JUP: variants seen among roughly 807,000 people sequenced by gnomAD.
JUP encodes catenin (cadherin-associated protein), gamma 80kDa.
JUP carries 28 observed loss-of-function variants against 71.1 expected under a neutral mutation model. The ratio of observed to expected loss-of-function variants is 0.39; its 90% CI spans 0.29 to 0.54. The LOEUF (loss-of-function observed/expected upper bound fraction) is 0.54. Ranked by LOEUF, JUP falls within the 20% of genes least tolerant of loss-of-function variation. The pLI is 0.62. For synonymous variants in JUP, 401 were observed against 438.9 expected, an observed-to-expected ratio of 0.91 and a Z score of 1.08; for missense variants, 869 against 1,030.1, an observed-to-expected ratio of 0.84 and a Z score of 2.14.
chr17:41,781,003 AC>A (rs1443381495), intron 1 of JUP, among the ~76,000 whole-genome samples: 2 of 151,894 alleles, frequency 1.3e-5, no homozygotes, highest in African/African-American at 4.8e-5. Context: ...ACACAGTGAA[AC>A]CCCGTCTCTA....
At position 41,755,044 on chromosome 17, in the gene JUP, TG is replaced by T; in HGVS notation, c.*699del. 1 of 371,262 alleles carries T rather than the reference TG, an allele frequency of 2.7e-6. No homozygotes were observed. The highest frequency in any genetic ancestry group is 4.8e-6 in the Non-Finnish European group (1 of 209,032). The allele number at this position is 371,262 out of a possible 1,614,324, so 23.0% of individuals were successfully genotyped here. A position where few individuals can be genotyped will look rare whatever the true frequency, so the allele number is the denominator to read the frequency against. On this transcript the variant is annotated 3_prime_UTR_variant, in exon 14 of 14. Coordinates refer to ENST00000393931, the MANE Select transcript of JUP (RefSeq NM_002230.4). ...GGGTTTGGGTCTCGAACCTGGGCCC[TG>T]GAGGCCCTGGGGGCTTAGGGCAGTT...
intron 5 of JUP, among the ~76,000 whole-genome samples, chr17:41,766,941 G>A (rs1288341595): frequency 6.6e-6 from 1 of 151,844 alleles, no homozygotes; most frequent in East Asian, 1.9e-4. Context: ...CAGCTACTCT[G>A]GAGGCTGAGG....
In JUP at chr17:41,755,101, C is replaced by T; in HGVS notation, c.*643G>A. 1 of 395,314 alleles carries T rather than the reference C, an allele frequency of 2.5e-6. No homozygotes were observed. The highest frequency in any genetic ancestry group is 3.6e-5 in the East Asian group (1 of 27,848). The allele number at this position is 395,314 out of a possible 1,614,324, so 24.5% of individuals were successfully genotyped here. A position where few individuals can be genotyped will look rare whatever the true frequency, so the allele number is the denominator to read the frequency against. ...GTGGAGTTCAGTGAGAAAATCAGAC[C>T]CAGAGAAGGAACCAAAGCCCTTCCG... On this transcript the variant is annotated 3_prime_UTR_variant, in exon 14 of 14. Transcript: ENST00000393931.
intron 2 of JUP, 55 bp from the exon 3 acceptor site, chr17:41,769,732 G>A: frequency 6.3e-7 from 1 of 1,580,722 alleles, no homozygotes; most frequent in Non-Finnish European, 8.6e-7. Context: ...GCAGACACTG[G>A]GGAGCAGGGC....
chr17:41,757,622 C>A lies in JUP; in HGVS notation c.1924+12G>T. On this transcript the variant is annotated intron_variant, in intron 11 of 13. Transcript: ENST00000393931. Reference sequence around the variant, plus strand: ...GGAGTGGGACCCAGCCTCCTGCCCTCCCCCAGCTCACCAGTGCCCTCGTTG... The same window carrying A: ...GGAGTGGGACCCAGCCTCCTGCCCTACCCCAGCTCACCAGTGCCCTCGTTG... 2.5e-6 allele frequency: 4 copies of A among 1,613,756 alleles called. No homozygotes were observed. Among genetic ancestry groups the A allele is most frequent in the South Asian group, 1.1e-5 (1 of 91,052 alleles).
At position 41,770,019 on chromosome 17, in the gene JUP, C is replaced by T. The variant is rs536442132; in HGVS notation, c.209-342G>A. ...CCTGCAAGGTAAGTACTATCACTGG[C>T]TCCACTTTACAGATGGGAAAACTGG... On this transcript the variant is annotated intron_variant, in intron 2 of 13. Coordinates refer to ENST00000393931, the MANE Select transcript of JUP (RefSeq NM_002230.4). Among the ~76,000 whole-genome samples the T allele has an allele frequency of 3.3e-5, 5 of 152,022 alleles. No individual in the cohort carries two copies. In the East Asian group the frequency reaches 7.7e-4, roughly 23 times the overall value.
Position 41,757,751 on chromosome 17 carries a change from C to T in JUP, c.1807G>A (p.Val603Met), listed in dbSNP as rs200327969. 1.1e-5 allele frequency: 17 copies of T among 1,612,072 alleles called. No homozygotes were observed. Among genetic ancestry groups the T allele is most frequent in the South Asian group, 3.3e-5 (3 of 90,868 alleles). ...AGCTCACACAGCACCCCGGCAGCCACGCGCTGGATGTTCTCCACCGACGAG... is the reference window on the plus strand; with the variant it reads ...AGCTCACACAGCACCCCGGCAGCCATGCGCTGGATGTTCTCCACCGACGAG... ...LYSSVENIQR[V>M]AAGVLCELAQ... Residue 603 changes from valine (V) to methionine (M), a missense_variant, in exon 11 of 14, where the codon GTG (valine) becomes ATG (methionine). Coordinates refer to ENST00000393931, the MANE Select transcript of JUP (RefSeq NM_002230.4).
Position 41,763,175 on chromosome 17 carries a change from C to G in JUP, c.1305G>C (p.Val435=). 6.2e-7 allele frequency: 1 copy of G among 1,614,250 alleles called. No individual in the cohort carries two copies. Among genetic ancestry groups the G allele is most frequent in the Non-Finnish European group, 8.5e-7 (1 of 1,180,034 alleles). Residue 435 remains valine, a synonymous_variant, in exon 8 of 14, where the codon GTG becomes GTC. Coordinates refer to ENST00000393931, the MANE Select transcript of JUP (RefSeq NM_002230.4). The stretch of plus-strand genomic sequence containing the variant: ...GCAGGATGGCATGGATGAGAGCCTC[C>G]ACACCGCTGTTCTGTGTCACCAGCG... ...NKTLVTQNSG[V]EALIHAILRA... is the part of the protein sequence containing the mutation.
chr17:41,772,204 G>A, intron 1 of JUP: 1 of 405,674 alleles, frequency 2.5e-6, no homozygotes, highest in South Asian at 2.2e-5. Flanking sequence ...TTGCTGCCCT[G>A]ACCCAACTCT....
Position 41,775,052 on chromosome 17 carries a change from G to A in JUP, c.-8-3190C>T, listed in dbSNP as rs183166296. On this transcript the variant is annotated intron_variant, in intron 1 of 13. Transcript: ENST00000393931. ...AGGGAGGTGCATGTTGCAGTGAGCCGAGACTGCGCCACTGCACTTCAGCCT... is the reference window on the plus strand; with the variant it reads ...AGGGAGGTGCATGTTGCAGTGAGCCAAGACTGCGCCACTGCACTTCAGCCT... 2.8e-4 allele frequency among the ~76,000 whole-genome samples: 42 copies of A among 151,380 alleles called. 1 individual carries two copies. The highest frequency in any genetic ancestry group is 1.0e-3 in the South Asian group (5 of 4,788).
intron 5 of JUP, among the ~76,000 whole-genome samples, chr17:41,766,013 C>T (rs890815821): frequency 2.6e-5 from 4 of 152,074 alleles, no homozygotes; most frequent in Non-Finnish European, 4.4e-5. Context: ...CCCAGCATTT[C>T]GGAGGCTGAA....
At position 41,780,068 on chromosome 17, in the gene JUP, C is replaced by T. The variant is rs556647171; in HGVS notation, c.-9+6520G>A. On this transcript the variant is annotated intron_variant, in intron 1 of 13. Transcript: ENST00000393931. ...CCCCTGTCCCAACTCTGCTCTGGTC[C>T]CTGCTACTGTCTCCATGGTAGGGAA... 3.0e-3 allele frequency among the ~76,000 whole-genome samples: 459 copies of T among 152,280 alleles called. 2 individuals carry two copies. Among genetic ancestry groups the T allele is most frequent in the African/African-American group, 0.011 (439 of 41,554 alleles).
chr17:41,780,643 C>T (rs1257144420), intron 1 of JUP, among the ~76,000 whole-genome samples: 48 of 150,990 alleles, frequency 3.2e-4, no homozygotes, highest in Non-Finnish European at 5.6e-4. Context: ...TGCAGTGAGC[C>T]AAGACTGCAC....
intron 4 of JUP, among the ~76,000 whole-genome samples, chr17:41,767,896 G>C (rs894839880): frequency 1.3e-5 from 2 of 152,190 alleles, no homozygotes; most frequent in South Asian, 2.1e-4. Context: ...ACATATTAGA[G>C]AGGCCTTGCA....
intron 1 of JUP, chr17:41,775,794 C>T (rs1270736638): frequency 1.2e-5 from 2 of 169,294 alleles, no homozygotes; most frequent in Non-Finnish European, 2.4e-5. Flanking sequence ...GACCCTTCCC[C>T]ATGGGACCCA....
At chr17:41,780,635 C>T (rs2047112699) in intron 1 of JUP, among the ~76,000 whole-genome samples, 1 of 151,376 alleles carries the variant, frequency 6.6e-6, no homozygotes, top group African/African-American at 2.4e-5. Context: ...GCAGAGGTTG[C>T]AGTGAGCCAA....
intron 5 of JUP, among the ~76,000 whole-genome samples, chr17:41,765,415 G>A (rs1256460751): frequency 7.9e-5 from 12 of 151,340 alleles, no homozygotes; most frequent in Admixed American, 2.6e-4. Flanking sequence ...GCAGTGGCAC[G>A]ATCTCAGGTC....
chr17:41,781,144 G>A (rs2047139571), intron 1 of JUP, among the ~76,000 whole-genome samples: 1 of 148,184 alleles, frequency 6.7e-6, no homozygotes, highest in African/African-American at 2.5e-5. Flanking sequence ...TCGTGCCACT[G>A]CACTCCAGCC....
Position 41,763,223 on chromosome 17 carries a change from T to A in JUP, c.1257A>T (p.Thr419=). ...TCATGTLSNL[T]CNNSKNKTLV... is the part of the protein sequence containing the mutation. ...GCGTCTTGTTCTTGCTGTTGTTGCA[T>A]GTCAGGTTGGAGAGTGTGCCCGTGG... Residue 419 remains threonine (T), a synonymous_variant, in exon 8 of 14, where the codon ACA becomes ACT. Coordinates refer to ENST00000393931, the MANE Select transcript of JUP (RefSeq NM_002230.4). 1 of 1,614,236 alleles carries A rather than the reference T, an allele frequency of 6.2e-7. No homozygotes were observed. Among genetic ancestry groups the A allele is most frequent in the Non-Finnish European group, 8.5e-7 (1 of 1,180,036 alleles).
Sources: allele counts gnomAD v4.1 joint callset (sites outside exome capture counted in the v4.1 genomes callset), GRCh38; gene constraint gnomAD v4.1.1; transcripts MANE v1.5; gene names NCBI Gene and HGNC (gene_info 2026-07-23, HGNC 2026-07-21).